The following TNR variants were observed in gnomAD, a reference collection of about 807,000 sequenced individuals.
TNR encodes tenascin-R.
TNR carries 45 observed loss-of-function variants against 150.4 expected under a neutral mutation model. The ratio of observed to expected loss-of-function variants is 0.30; its 90% CI spans 0.24 to 0.38. The LOEUF (loss-of-function observed/expected upper bound fraction) is 0.38. TNR is among the 10% of genes least tolerant of loss of function. TNR has a pLI of 1.00. For missense variants in TNR, 1,544 were observed against 1,759.1 expected (o/e 0.88, Z 2.19); for synonymous variants, 687 against 678.4 (o/e 1.01, Z -0.20).
intron 2 of TNR, among the ~76,000 whole-genome samples, chr1:175,459,936 T>G (rs1226063555): frequency 6.6e-6 from 1 of 152,218 alleles, no homozygotes; most frequent in African/African-American, 2.4e-5. Context: ...ATTTGATAAA[T>G]AATGTATATA....
intron 1 of TNR, among the ~76,000 whole-genome samples, chr1:175,728,221 G>A (rs1667533473): frequency 6.6e-6 from 1 of 152,266 alleles, no homozygotes; most frequent in Non-Finnish European, 1.5e-5. Context: ...GCTATGGATG[G>A]CTAAAAAGAG....
chr1:175,374,329 T>C (rs1472632506), intron 9 of TNR, among the ~76,000 whole-genome samples: 5 of 152,100 alleles, frequency 3.3e-5, no homozygotes, highest in African/African-American at 1.2e-4. Context: ...TCCCAAAGCA[T>C]GATCAGGACG....
At chr1:175,552,288 T>C (rs554860978) in intron 1 of TNR, among the ~76,000 whole-genome samples, 6 of 152,330 alleles carry the variant, frequency 3.9e-5, no homozygotes, top group African/African-American at 1.2e-4. Flanking sequence ...AACTTTAACC[T>C]GACTTGACAG....
intron 1 of TNR, among the ~76,000 whole-genome samples, chr1:175,617,020 C>T (rs890340169): frequency 1.4e-4 from 22 of 152,212 alleles, no homozygotes; most frequent in Non-Finnish European, 2.9e-4. Flanking sequence ...ACTCTTTCCA[C>T]CACTCCCAAA....
chr1:175,339,540 A>AT (rs1409916421), intron 18 of TNR, among the ~76,000 whole-genome samples: 1 of 152,066 alleles, frequency 6.6e-6, no homozygotes, highest in Non-Finnish European at 1.5e-5. Context: ...GAGCACTGCT[A>AT]TTATCTCCTC....
At chr1:175,362,417 G>A (rs900146423) in intron 14 of TNR, among the ~76,000 whole-genome samples, 4 of 152,166 alleles carry the variant, frequency 2.6e-5, no homozygotes, top group Admixed American at 2.6e-4. Flanking sequence ...CACTGTTTAT[G>A]TTGGAAGTTC....
At chr1:175,581,751 G>A (rs980041945) in intron 1 of TNR, among the ~76,000 whole-genome samples, 6 of 152,026 alleles carry the variant, frequency 3.9e-5, no homozygotes, top group Non-Finnish European at 8.8e-5. Context: ...TTATAGTGTT[G>A]GTGACAGGCA....
intron 3 of TNR, among the ~76,000 whole-genome samples, chr1:175,405,278 T>C (rs1490378686): frequency 2.0e-5 from 3 of 152,222 alleles, no homozygotes. Flanking sequence ...CAGGCTGACA[T>C]CTGAATAGGT....
At chr1:175,710,084 G>T (rs889635245) in intron 1 of TNR, among the ~76,000 whole-genome samples, 2 of 152,068 alleles carry the variant, frequency 1.3e-5, no homozygotes, top group Non-Finnish European at 2.9e-5. Context: ...GGTCACTTAG[G>T]TTATGTTAAA....
chr1:175,323,671 C>T (rs954193024), intron 22 of TNR, among the ~76,000 whole-genome samples, 195 bp from the exon 23 acceptor site: 3 of 152,156 alleles, frequency 2.0e-5, no homozygotes, highest in East Asian at 1.9e-4. Flanking sequence ...TTAAATGTGC[C>T]GGTGGCCTGG....
At chr1:175,573,979 T>C (rs1661993835) in intron 1 of TNR, among the ~76,000 whole-genome samples, 1 of 152,196 alleles carries the variant, frequency 6.6e-6, no homozygotes, top group Admixed American at 6.5e-5. Context: ...TATGGGATGG[T>C]TGGCCAAGGG....
chr1:175,399,455 G>A (rs759020110), intron 4 of TNR, among the ~76,000 whole-genome samples: 10 of 152,224 alleles, frequency 6.6e-5, no homozygotes, highest in Non-Finnish European at 1.0e-4. Context: ...CTTGAGGCCT[G>A]AGCCTGGTGG....
At chr1:175,721,783 C>T (rs758266913) in intron 1 of TNR, among the ~76,000 whole-genome samples, 8 of 152,050 alleles carry the variant, frequency 5.3e-5, no homozygotes, top group South Asian at 4.1e-4. Flanking sequence ...TCCCAGAGGG[C>T]GACACCTGCT....
At chr1:175,516,340 C>T (rs1191615252) in intron 2 of TNR, among the ~76,000 whole-genome samples, 1 of 152,118 alleles carries the variant, frequency 6.6e-6, no homozygotes. Context: ...CCGCAAGGTA[C>T]CTGGAAGGTT....
At chr1:175,469,317 G>C (rs1430664823) in intron 2 of TNR, among the ~76,000 whole-genome samples, 2 of 152,124 alleles carry the variant, frequency 1.3e-5, no homozygotes, top group African/African-American at 4.8e-5. Context: ...TATAACACAG[G>C]CTAAGAGAGA....
chr1:175,398,503 C>T (rs1341710444), intron 4 of TNR, among the ~76,000 whole-genome samples: 2 of 152,134 alleles, frequency 1.3e-5, no homozygotes, highest in Admixed American at 6.5e-5. Context: ...ATAACACATA[C>T]AGAATGACTC....
chr1:175,427,731 T>C (rs1032757169), intron 2 of TNR, among the ~76,000 whole-genome samples: 1 of 126,616 alleles, frequency 7.9e-6, no homozygotes, highest in Non-Finnish European at 1.7e-5. Context: ...CTCTCTTTCT[T>C]TTCCTTCCTT....
intron 1 of TNR, among the ~76,000 whole-genome samples, chr1:175,624,510 CA>C (rs1664083151): frequency 1.3e-5 from 2 of 151,980 alleles, no homozygotes; most frequent in Non-Finnish European, 2.9e-5. Flanking sequence ...ACAACAGAGA[CA>C]GAGATTGAGG....
chr1:175,430,487 A>G (rs923677178), intron 2 of TNR, among the ~76,000 whole-genome samples: 1 of 152,172 alleles, frequency 6.6e-6, no homozygotes, highest in Non-Finnish European at 1.5e-5. Flanking sequence ...AATATTTCCC[A>G]CTACTCTCAC....
Sources: gnomAD v4.1 joint callset for allele counts (sites outside exome capture counted in the v4.1 genomes callset) on GRCh38, gnomAD v4.1.1 for gene constraint, MANE v1.5 for transcripts, NCBI Gene and HGNC (gene_info 2026-07-23, HGNC 2026-07-21) for gene names.